Variants in ZBTB20 observed in about 807,000 individuals in gnomAD.
ZBTB20 encodes the protein zinc finger and BTB domain containing 20.
A neutral mutation model predicts 56.9 loss-of-function variants in ZBTB20; 9 were observed. The ratio of observed to expected loss-of-function variants is 0.16; its 90% CI spans 0.10 to 0.28. The LOEUF (loss-of-function observed/expected upper bound fraction) is 0.28. Ranked by LOEUF, ZBTB20 falls within the 10% of genes least tolerant of loss-of-function variation. The pLI is 1.00. For synonymous variants in ZBTB20, 417 were observed against 420.7 expected (o/e 0.99, Z 0.11); for missense variants, 655 against 1,003.0 (o/e 0.65, Z 4.69).
intron 10 of ZBTB20, among the ~76,000 whole-genome samples, chr3:114,367,797 A>G (rs1474425): frequency 0.38 from 57,900 of 151,666 alleles, 11,479 homozygotes; most frequent in Non-Finnish European, 0.43. Context: ...AAACATACAA[A>G]TGGGGGAATA....
chr3:114,507,500 C>T (rs1220860162), intron 6 of ZBTB20, among the ~76,000 whole-genome samples: 2 of 152,120 alleles, frequency 1.3e-5, no homozygotes, highest in South Asian at 2.1e-4. Flanking sequence ...TAATGATCAG[C>T]ATTTTTGTCC....
intron 2 of ZBTB20, among the ~76,000 whole-genome samples, chr3:115,052,821 A>T (rs1424458353): frequency 6.6e-6 from 1 of 152,248 alleles, no homozygotes; most frequent in African/African-American, 2.4e-5. Flanking sequence ...TTCAGAAGAT[A>T]AAATTATTCA....
intron 5 of ZBTB20, among the ~76,000 whole-genome samples, chr3:114,733,189 C>G (rs1182518561): frequency 6.6e-6 from 1 of 152,148 alleles, no homozygotes; most frequent in African/African-American, 2.4e-5. Context: ...TAGAAACAGA[C>G]TTACGGGTTC....
In ZBTB20 at chr3:114,338,948, T is replaced by G; in HGVS notation, c.*57A>C. 1 of 1,440,334 alleles carries G rather than the reference T, an allele frequency of 6.9e-7. No homozygotes were observed. Among genetic ancestry groups the G allele is most frequent in the Non-Finnish European group, 9.2e-7 (1 of 1,086,380 alleles). 89.2% of individuals were successfully genotyped at this position (1,440,334 alleles called of 1,614,324 possible). A position where few individuals can be genotyped will look rare whatever the true frequency, so the allele number is the denominator to read the frequency against. ...AATTCTAGTGCCATAGCTTTTTTGTTTGTTTGTTTTTTGTTGTTGTTTTGT... is the reference window on the plus strand; with the variant it reads ...AATTCTAGTGCCATAGCTTTTTTGTGTGTTTGTTTTTTGTTGTTGTTTTGT... On this transcript the variant is annotated 3_prime_UTR_variant, in exon 12 of 12. Transcript: ENST00000675478.
chr3:114,904,928 C>T (rs957381724), intron 3 of ZBTB20, among the ~76,000 whole-genome samples: 4 of 151,864 alleles, frequency 2.6e-5, no homozygotes, highest in African/African-American at 9.7e-5. Flanking sequence ...TGTAATAAAG[C>T]TATAAAATCC....
intron 5 of ZBTB20, among the ~76,000 whole-genome samples, chr3:114,749,073 C>T (rs535046852): frequency 7.9e-5 from 12 of 152,280 alleles, no homozygotes; most frequent in African/African-American, 2.9e-4. Flanking sequence ...AGTACATAAG[C>T]CACACATATT....
At chr3:115,010,297 T>A (rs1251568145) in intron 2 of ZBTB20, among the ~76,000 whole-genome samples, 1 of 151,866 alleles carries the variant, frequency 6.6e-6, no homozygotes, top group Non-Finnish European at 1.5e-5. Context: ...CAGGGAGCAG[T>A]TACATCAGGC....
At chr3:114,581,037 G>T (rs2054589639) in intron 6 of ZBTB20, among the ~76,000 whole-genome samples, 1 of 151,802 alleles carries the variant, frequency 6.6e-6, no homozygotes, top group Non-Finnish European at 1.5e-5. Context: ...CAAGTAAAAA[G>T]AATATTATAA....
At chr3:114,736,360 T>A (rs924730989) in intron 5 of ZBTB20, among the ~76,000 whole-genome samples, 1 of 152,176 alleles carries the variant, frequency 6.6e-6, no homozygotes, top group East Asian at 1.9e-4. Flanking sequence ...TTTTGGTTAT[T>A]TTTTTAATAT....
chr3:114,576,871 G>C (rs1227498722), intron 6 of ZBTB20, among the ~76,000 whole-genome samples: 1 of 151,932 alleles, frequency 6.6e-6, no homozygotes, highest in Non-Finnish European at 1.5e-5. Flanking sequence ...AAAGATTTAT[G>C]AGATAGTACT....
chr3:114,787,257 C>G (rs1397918377), intron 5 of ZBTB20, among the ~76,000 whole-genome samples: 1 of 150,190 alleles, frequency 6.7e-6, no homozygotes, highest in Non-Finnish European at 1.5e-5. Flanking sequence ...GAACTCCAGG[C>G]ATGAGCTAAC....
chr3:115,038,239 C>T (rs2081007120), intron 2 of ZBTB20, among the ~76,000 whole-genome samples: 1 of 152,144 alleles, frequency 6.6e-6, no homozygotes, highest in African/African-American at 2.4e-5. Context: ...AATCCAAAAT[C>T]CATTTGTTAG....
chr3:114,688,478 T>G (rs2062491487), intron 6 of ZBTB20: 1 of 152,178 alleles, frequency 6.6e-6, no homozygotes. Flanking sequence ...CTCTATCATT[T>G]TCTTAGCAAA....
chr3:114,636,576 G>T (rs1348150185), intron 6 of ZBTB20, among the ~76,000 whole-genome samples: 1 of 152,040 alleles, frequency 6.6e-6, no homozygotes, highest in Admixed American at 6.6e-5. Flanking sequence ...TTTTGTATGT[G>T]ATCAAATTTA....
At chr3:115,025,475 T>A (rs1185265257) in intron 2 of ZBTB20, among the ~76,000 whole-genome samples, 1 of 151,122 alleles carries the variant, frequency 6.6e-6, no homozygotes, top group Non-Finnish European at 1.5e-5. Context: ...GATATTATTA[T>A]GAAGATTCAC....
chr3:114,656,941 C>T (rs1209498559), intron 6 of ZBTB20, among the ~76,000 whole-genome samples: 1 of 152,030 alleles, frequency 6.6e-6, no homozygotes, highest in Non-Finnish European at 1.5e-5. Flanking sequence ...CCGCACCGGG[C>T]CTGAAAACAT....
intron 2 of ZBTB20, among the ~76,000 whole-genome samples, chr3:114,983,483 G>A (rs1244793906): frequency 3.3e-5 from 5 of 151,890 alleles, no homozygotes; most frequent in Admixed American, 6.6e-5. Flanking sequence ...ATATTTCATG[G>A]TCAAAGGTCA....
At chr3:114,533,743 G>T (rs545258970) in intron 6 of ZBTB20, among the ~76,000 whole-genome samples, 1 of 152,254 alleles carries the variant, frequency 6.6e-6, no homozygotes, top group East Asian at 1.9e-4. Context: ...AGAGAGAAAG[G>T]TCAGGTTACC....
At chr3:114,394,511 GT>G (rs1329980437) in intron 7 of ZBTB20, among the ~76,000 whole-genome samples, 1 of 152,204 alleles carries the variant, frequency 6.6e-6, no homozygotes, top group Middle Eastern at 3.2e-3. Context: ...CTGCCAATAA[GT>G]ATAGTCCCTT....
Sources: allele counts gnomAD v4.1 joint callset (sites outside exome capture counted in the v4.1 genomes callset), GRCh38; gene constraint gnomAD v4.1.1; transcripts MANE v1.5; gene names NCBI Gene and HGNC (gene_info 2026-07-23, HGNC 2026-07-21).